The following TCF24 variants were observed in gnomAD, a reference collection of about 807,000 sequenced individuals.
TCF24 encodes transcription factor 24.
TCF24 carries 5 observed loss-of-function variants against 9.3 expected under a neutral mutation model. That is an observed-to-expected ratio of 0.54 (90% CI 0.28 to 1.13). The LOEUF (loss-of-function observed/expected upper bound fraction) is 1.13, where lower values mean the gene tolerates loss of function less well. Ranked by LOEUF, TCF24 falls within the 50% of genes most tolerant of loss-of-function variation. The pLI, the probability that TCF24 is intolerant of heterozygous loss-of-function variation, is 0.09. For missense variants in TCF24, 220 were observed against 236.1 expected, an observed-to-expected ratio of 0.93 and a Z score of 0.45; for synonymous variants, 110 against 115.8, an observed-to-expected ratio of 0.95 and a Z score of 0.32.
intron 3 of TCF24, among the ~76,000 whole-genome samples, chr8:66,951,339 A>G (rs1814056548): frequency 6.8e-6 from 1 of 146,190 alleles, no homozygotes; most frequent in Admixed American, 7.0e-5. Context: ...TTCTGCATCT[A>G]TTGAGATAAT....
At chr8:66,959,890 G>A (rs1814226308) in intron 3 of TCF24, among the ~76,000 whole-genome samples, 1 of 152,124 alleles carries the variant, frequency 6.6e-6, no homozygotes, top group Non-Finnish European at 1.5e-5. Context: ...AAAGACGCTT[G>A]CTATGCTTAT....
rs1814249031 is a variant in TCF24, at chr8:66,961,385, G to A, written c.381C>T (p.His127=). The A allele has an allele frequency of 5.3e-6, 8 of 1,497,312 alleles. No homozygotes were observed. The highest frequency in any genetic ancestry group is 7.1e-6 in the Non-Finnish European group (8 of 1,129,692). 92.8% of individuals were successfully genotyped at this position (1,497,312 alleles called of 1,614,324 possible). ...LGALRGDGYL[H]PVKKWPMRSR... ...CGCCCCGCCCGCTTACCTTGACCGG[G>A]TGCAGGTAGCCATCGCCGCGCAGGG... The change falls in exon 3 of 4, where the codon CAC becomes CAT. Residue 127 remains histidine, a synonymous_variant. Transcript: ENST00000563496.
intron 3 of TCF24, among the ~76,000 whole-genome samples, chr8:66,957,111 CAAAAAAAAAA>C (rs1165600722): frequency 6.4e-5 from 1 of 15,738 alleles, no homozygotes; most frequent in South Asian, 3.8e-3. Context: ...GACTCCGTCT[CAAAAAAAAAA>C]AAAAAAAAAA....
At chr8:66,960,532 C>A (rs570857024) in intron 3 of TCF24, among the ~76,000 whole-genome samples, 1 of 152,108 alleles carries the variant, frequency 6.6e-6, no homozygotes, top group East Asian at 1.9e-4. Context: ...ACAGAAAAAT[C>A]AGTGTAAGGT....
At position 66,948,183 on chromosome 8, in the gene TCF24, A is replaced by AC; in HGVS notation, c.391-20dup. ...GCCATTTCTGAAAAAGATTATTTCA[A>AC]CAAGAATTCAAAAGTTAGTATCTAT... On this transcript the variant is annotated intron_variant, in intron 3 of 3. Coordinates refer to ENST00000563496, the MANE Select transcript of TCF24 (RefSeq NM_001193502.2). 1 of 1,516,140 alleles carries AC rather than the reference A, an allele frequency of 6.6e-7. No homozygotes were observed. The allele number at this position is 1,516,140 out of a possible 1,614,324, so 93.9% of individuals were successfully genotyped here.
Position 66,961,375 on chromosome 8 carries a change from C to T in TCF24, c.390+1G>A, listed in dbSNP as rs1165066070. ...CCCCGCGGTGCGCCCCGCCCGCTTA[C>T]CTTGACCGGGTGCAGGTAGCCATCG... On this transcript the variant is annotated splice_donor_variant, in intron 3 of 3. Transcript: ENST00000563496. LOFTEE classifies it high-confidence loss of function. 4 of 1,486,216 alleles carry T rather than the reference C, an allele frequency of 2.7e-6. No homozygotes were observed. The highest frequency in any genetic ancestry group is 1.4e-5 in the African/African-American group (1 of 69,418). 92.1% of individuals were successfully genotyped at this position (1,486,216 alleles called of 1,614,324 possible).
intron 1 of TCF24, 77 bp downstream of exon 1, chr8:66,962,252 G>C (rs2130903821): frequency 6.6e-6 from 1 of 152,518 alleles, no homozygotes; most frequent in East Asian, 1.9e-4. Context: ...GGGACCCTTA[G>C]CCTCACCTCG....
chr8:66,949,096 CTTT>C (rs909646333), intron 3 of TCF24, among the ~76,000 whole-genome samples: 6 of 150,760 alleles, frequency 4.0e-5, no homozygotes, highest in Non-Finnish European at 8.9e-5. Context: ...TCATCTAGCT[CTTT>C]TTTTTTCTTT....
chr8:66,950,946 C>A (rs780252886), intron 3 of TCF24, among the ~76,000 whole-genome samples: 4 of 151,372 alleles, frequency 2.6e-5, no homozygotes, highest in Non-Finnish European at 5.9e-5. Flanking sequence ...GATTTTGTAT[C>A]CTGAGACTTT....
Position 66,961,521 on chromosome 8 carries a change from T to G in TCF24, c.245A>C (p.Asp82Ala). The change falls in exon 3 of 4, where the codon GAC becomes GCC. Residue 82 changes from aspartate (D) to alanine (A), a missense_variant. Asp to Ala is a moderately radical substitution (Grantham distance 126). Coordinates refer to ENST00000563496, the MANE Select transcript of TCF24 (RefSeq NM_001193502.2). ...CACGTCCAGCTTGGACAGCTTGGTGTCGGGCGGCACGGACGGCAGCGTGCG... is the reference window on the plus strand; with the variant it reads ...CACGTCCAGCTTGGACAGCTTGGTGGCGGGCGGCACGGACGGCAGCGTGCG... Reference protein sequence around the residue: ...LQRTLPSVPPDTKLSKLDVLL... With the variant: ...LQRTLPSVPPATKLSKLDVLL... 1 of 1,516,542 alleles carries G rather than the reference T, an allele frequency of 6.6e-7. No homozygotes were observed. The highest frequency in any genetic ancestry group is 1.2e-5 in the South Asian group (1 of 81,910). The allele number at this position is 1,516,542 out of a possible 1,614,324, so 93.9% of individuals were successfully genotyped here. A position where few individuals can be genotyped will look rare whatever the true frequency, so the allele number is the denominator to read the frequency against.
At chr8:66,957,895 T>TAAAAAAAAA (rs11299517) in intron 3 of TCF24, among the ~76,000 whole-genome samples, 3 of 43,036 alleles carry the variant, frequency 7.0e-5, no homozygotes, top group Non-Finnish European at 8.6e-5. Context: ...TAAGAATTGC[T>TAAAAAAAAA]AAAAAAAAAA....
chr8:66,961,925 T>A lies in TCF24; in HGVS notation c.-72A>T. ...CGCTCTCAAGCGAGCTCGTTTTGCC[T>A]GGGACGCGATTTGCTTCCGGACGTC... On this transcript the variant is annotated 5_prime_UTR_variant, in exon 2 of 4. Coordinates refer to ENST00000563496, the MANE Select transcript of TCF24 (RefSeq NM_001193502.2). 1.9e-6 allele frequency: 1 copy of A among 522,788 alleles called. No individual in the cohort carries two copies. The highest frequency in any genetic ancestry group is 2.5e-6 in the Non-Finnish European group (1 of 399,072). The allele number at this position is 522,788 out of a possible 1,614,324, so 32.4% of individuals were successfully genotyped here.
chr8:66,953,137 T>G (rs1814085237), intron 3 of TCF24, among the ~76,000 whole-genome samples: 1 of 150,310 alleles, frequency 6.7e-6, no homozygotes, highest in Non-Finnish European at 1.5e-5. Context: ...ATCCTGTCAT[T>G]ATGATGTTAG....
In TCF24 at chr8:66,962,478, T is replaced by C; in HGVS notation, c.-284A>G. 6.5e-6 allele frequency: 1 copy of C among 152,752 alleles called. No homozygotes were observed. The highest frequency in any genetic ancestry group is 1.5e-5 in the Non-Finnish European group (1 of 68,376). 9.5% of individuals were successfully genotyped at this position (152,752 alleles called of 1,614,324 possible). ...ACGGCTGTTTCCAACCTCCGCTGGCTGTGACTTTTATGCGGGCGCCCCGCG... is the reference window on the plus strand; with the variant it reads ...ACGGCTGTTTCCAACCTCCGCTGGCCGTGACTTTTATGCGGGCGCCCCGCG... On this transcript the variant is annotated 5_prime_UTR_variant, in exon 1 of 4. Transcript: ENST00000563496.
intron 3 of TCF24, 85 bp downstream of exon 3, chr8:66,961,291 G>A: frequency 7.5e-7 from 1 of 1,324,808 alleles, no homozygotes; most frequent in Non-Finnish European, 9.7e-7. Flanking sequence ...AGGAATTAGA[G>A]CATCTACCCA....
chr8:66,961,157 C>G (rs1286701477), intron 3 of TCF24, among the ~76,000 whole-genome samples: 1 of 152,214 alleles, frequency 6.6e-6, no homozygotes, highest in Non-Finnish European at 1.5e-5. Context: ...GCCACCCCGG[C>G]TTTAAACGCC....
chr8:66,956,034 G>T (rs2130900647), intron 3 of TCF24, among the ~76,000 whole-genome samples: 1 of 152,224 alleles, frequency 6.6e-6, no homozygotes, highest in South Asian at 2.1e-4. Context: ...CTGGGTTCAT[G>T]CAATCTTCCT....
intron 3 of TCF24, among the ~76,000 whole-genome samples, chr8:66,957,891 T>A (rs1217599832): frequency 2.0e-5 from 2 of 100,874 alleles, no homozygotes; most frequent in East Asian, 5.4e-4. Context: ...GTGTTAAGAA[T>A]TGCTAAAAAA....
At chr8:66,951,295 G>C (rs1175473102) in intron 3 of TCF24, among the ~76,000 whole-genome samples, 1 of 147,656 alleles carries the variant, frequency 6.8e-6, no homozygotes, top group Non-Finnish European at 1.5e-5. Context: ...AGAGTTTTTA[G>C]CATGAAGGGT....
Sources: gnomAD v4.1 joint callset for allele counts (sites outside exome capture counted in the v4.1 genomes callset) on GRCh38, gnomAD v4.1.1 for gene constraint, MANE v1.5 for transcripts, NCBI Gene and HGNC (gene_info 2026-07-23, HGNC 2026-07-21) for gene names.